Variants in NHSL1 observed in about 807,000 individuals in gnomAD.
NHSL1 encodes the protein NHS like 1.
NHSL1 carries 48 observed loss-of-function variants against 95.0 expected under a neutral mutation model. That is an observed-to-expected ratio of 0.51 (90% CI 0.40 to 0.64). The LOEUF is 0.64. Ranked by LOEUF, NHSL1 falls within the 30% of genes least tolerant of loss-of-function variation. The pLI is 0.00. For synonymous variants in NHSL1, 783 were observed against 833.9 expected (o/e 0.94, Z 1.05); for missense variants, 1,971 against 2,077.7 (o/e 0.95, Z 1.00).
chr6:138,506,148 T>C (rs1317630795), intron 1 of NHSL1, among the ~76,000 whole-genome samples: 1 of 152,170 alleles, frequency 6.6e-6, no homozygotes, highest in East Asian at 1.9e-4. Flanking sequence ...TTCTAAAAAT[T>C]TACATCATCT....
chr6:138,521,774 G>T (rs551585212), intron 1 of NHSL1, among the ~76,000 whole-genome samples: 1 of 152,250 alleles, frequency 6.6e-6, no homozygotes, highest in South Asian at 2.1e-4. Context: ...GGGCAAAGTG[G>T]AACACCTCAT....
intron 3 of NHSL1, among the ~76,000 whole-genome samples, chr6:138,466,137 T>C (rs1203522453): frequency 6.6e-6 from 1 of 151,336 alleles, no homozygotes; most frequent in Non-Finnish European, 1.5e-5. Context: ...CCTCCCGGGT[T>C]CACGCCATCC....
intron 3 of NHSL1, among the ~76,000 whole-genome samples, chr6:138,454,466 A>G (rs11154978): frequency 0.33 from 49,831 of 151,830 alleles, 10,469 homozygotes; most frequent in African/African-American, 0.58. Flanking sequence ...GGAGGAAAGG[A>G]CTGTGGCAAA....
intron 3 of NHSL1, among the ~76,000 whole-genome samples, chr6:138,469,055 G>A (rs890127670): frequency 6.6e-6 from 1 of 152,180 alleles, no homozygotes; most frequent in Non-Finnish European, 1.5e-5. Flanking sequence ...GGTGAGGAGT[G>A]TTTCTGGGTC....
chr6:138,496,229 T>A lies in NHSL1; in HGVS notation c.201A>T (p.Ser67=). The change falls in exon 2 of 8, where the codon TCA becomes TCT. Residue 67 remains serine, a synonymous_variant. Transcript: ENST00000343505. The part of the protein sequence containing the change: ...LHRQAKLNLK[S]VLRECDKLRH... ...AGGATGCCATCTTACCCCTCAGTAC[T>A]GATTTGAGGTTGAGCTTGGCTTGGC... 6.4e-7 allele frequency: 1 copy of A among 1,550,958 alleles called. No homozygotes were observed. Among genetic ancestry groups the A allele is most frequent in the Non-Finnish European group, 8.7e-7 (1 of 1,146,730 alleles).
Position 138,430,725 on chromosome 6 carries a change from G to A in NHSL1, c.3620C>T (p.Pro1207Leu), listed in dbSNP as rs1205143415. ...CTCCACTGCAAAATCTTTCTGCGGA[G>A]GTGGTACCACCAGGAACAGTTTGGG... is the stretch of plus-strand genomic sequence containing the variant. The part of the protein sequence containing the change: ...KKPKLFLVVP[P>L]PQKDFAVEPA... The change falls in exon 6 of 8, where the codon CCT becomes CTT. Residue 1207 changes from proline to leucine, a missense_variant. Around this residue, in one of 3 missense-constraint regions of NHSL1, gnomAD observed 1,602 missense variants for 1,654.5 expected, o/e 0.97. Coordinates refer to ENST00000343505, the MANE Select transcript of NHSL1 (RefSeq NM_001144060.2). This position sits in a 1 kb window ranked among gnomAD's most constrained non-coding sequence, Gnocchi z 4.7. 6.4e-7 allele frequency: 1 copy of A among 1,551,752 alleles called. No homozygotes were observed. Among genetic ancestry groups the A allele is most frequent in the East Asian group, 2.4e-5 (1 of 40,910 alleles).
chr6:138,592,639 C>CAA (rs372800688), intron 1 of NHSL1, among the ~76,000 whole-genome samples: 42 of 129,070 alleles, frequency 3.3e-4, no homozygotes, highest in South Asian at 3.2e-3. Context: ...AAAACAACAA[C>CAA]AAAAAAAACC....
At chr6:138,475,869 A>G (rs1276330363) in intron 2 of NHSL1, among the ~76,000 whole-genome samples, 1 of 152,204 alleles carries the variant, frequency 6.6e-6, no homozygotes, top group Non-Finnish European at 1.5e-5. Context: ...AGGCTGAGGC[A>G]GGAGAATTGC....
At chr6:138,685,449 G>A (rs1204571339) in intron 1 of NHSL1, among the ~76,000 whole-genome samples, 1 of 152,084 alleles carries the variant, frequency 6.6e-6, no homozygotes, top group Non-Finnish European at 1.5e-5. Flanking sequence ...ATTGTGGGCA[G>A]AATATACACA....
Position 138,429,848 on chromosome 6 carries a change from A to G in NHSL1, c.3953-5T>C. On this transcript the variant is annotated splice_polypyrimidine_tract_variant and splice_region_variant and intron_variant, in intron 6 of 7. Transcript: ENST00000343505. ...CGTTGGTCTCCGGCACCCCAGCTAC[A>G]GAAGAGCAGGCAGGCATACAAGACG... is the stretch of plus-strand genomic sequence containing the variant. 1.3e-6 allele frequency: 2 copies of G among 1,549,928 alleles called. No homozygotes were observed. Among genetic ancestry groups the G allele is most frequent in the Non-Finnish European group, 1.7e-6 (2 of 1,146,384 alleles).
At position 138,432,018 on chromosome 6, in the gene NHSL1, T is replaced by G. The variant is rs960699885; in HGVS notation, c.2327A>C (p.Tyr776Ser). ...AATGTAATAACCCCAGGGGTCCGTG[T>G]ACTCTGACTTGACGCTGCTTGTGTC... is the stretch of plus-strand genomic sequence containing the variant. ...QSDTSSVKSE[Y>S]TDPWGYYIDY... Residue 776 changes from tyrosine to serine, a missense_variant, in exon 6 of 8, where the codon TAC becomes TCC. Around this residue, in one of 3 missense-constraint regions of NHSL1, gnomAD observed 1,602 missense variants for 1,654.5 expected, o/e 0.97. Transcript: ENST00000343505. This position sits in a 1 kb window ranked among gnomAD's most constrained non-coding sequence, Gnocchi z 4.4. 39 of 1,551,732 alleles carry G rather than the reference T, an allele frequency of 2.5e-5. No individual in the cohort carries two copies. In the East Asian group the frequency reaches 9.0e-4, roughly 36 times the overall value.
chr6:138,654,355 G>C (rs1785129532), intron 1 of NHSL1, among the ~76,000 whole-genome samples: 1 of 152,236 alleles, frequency 6.6e-6, no homozygotes, highest in South Asian at 2.1e-4. Flanking sequence ...ATTTTGTACA[G>C]CCTTTTTGGA....
At chr6:138,574,344 T>C (rs1474174223), upstream of NHSL1, among the ~76,000 whole-genome samples, 3 of 152,038 alleles carry the variant, frequency 2.0e-5, no homozygotes. Flanking sequence ...TCTCAAAATA[T>C]AAAAGGAAAA....
At chr6:138,542,781 C>T (rs888107712) in intron 1 of NHSL1, among the ~76,000 whole-genome samples, 2 of 151,818 alleles carry the variant, frequency 1.3e-5, no homozygotes, top group Non-Finnish European at 2.9e-5. Flanking sequence ...ACATTTTTTT[C>T]GAGACAGGGT....
intron 3 of NHSL1, among the ~76,000 whole-genome samples, chr6:138,449,090 T>C (rs1434189104): frequency 6.7e-6 from 1 of 149,232 alleles, no homozygotes; most frequent in East Asian, 2.0e-4. Flanking sequence ...AACACAAGAA[T>C]ACTGTCATCA....
intron 1 of NHSL1, among the ~76,000 whole-genome samples, chr6:138,610,534 TATA>T (rs1239330340): frequency 1.7e-5 from 2 of 119,896 alleles, no homozygotes; most frequent in East Asian, 2.1e-4. Flanking sequence ...GAACTAAAAG[TATA>T]ATAATAAAAA....
chr6:138,684,520 C>T lies in NHSL1; in HGVS notation c.96+7956G>A, dbSNP rs1785557795. On this transcript the variant is annotated intron_variant, in intron 1 of 3. Transcript: ENST00000491526. ...ATTAGCTGGGCGTGGTGGCGTGCGC[C>T]TGTAATCCCAGCTACTCAGAAGGCT... Among the ~76,000 whole-genome samples, 4 of 152,230 alleles carry T rather than the reference C, an allele frequency of 2.6e-5. No homozygotes were observed. The South Asian group carries it at 8.3e-4, about 32-fold the overall frequency.
At chr6:138,477,918 A>G (rs1396281004) in intron 2 of NHSL1, among the ~76,000 whole-genome samples, 1 of 151,982 alleles carries the variant, frequency 6.6e-6, no homozygotes, top group Non-Finnish European at 1.5e-5. Context: ...AAAGCATGAA[A>G]GACCAGCAAC....
chr6:138,464,264 C>A, intron 3 of NHSL1: 1 of 807,618 alleles, frequency 1.2e-6, no homozygotes, highest in Non-Finnish European at 2.0e-6. Flanking sequence ...CCTCTCTGCC[C>A]ACTTCCTGCT....
Sources: gnomAD v4.1 joint callset for allele counts (sites outside exome capture counted in the v4.1 genomes callset) on GRCh38, gnomAD v4.1.1 for gene constraint, gnomAD v4.1.1 regional missense constraint, Gnocchi (gnomAD v3.1) non-coding constraint, MANE v1.5 for transcripts, NCBI Gene and HGNC (gene_info 2026-07-23, HGNC 2026-07-21) for gene names.